SNX29: variants seen among roughly 807,000 people sequenced by gnomAD.
SNX29 encodes sorting nexin-29.
A neutral mutation model predicts 102.1 loss-of-function variants in SNX29; 78 were observed. The ratio of observed to expected loss-of-function variants is 0.76; its 90% CI spans 0.64 to 0.92. The LOEUF is 0.92. Among genes scored for constraint, SNX29 ranks in the 40% least tolerant of loss-of-function variants. SNX29 has a pLI of 0.00. For synonymous variants in SNX29, 580 were observed against 414.5 expected, an observed-to-expected ratio of 1.40 and a Z score of -4.85; for missense variants, 1,280 against 1,061.7, an observed-to-expected ratio of 1.21 and a Z score of -2.86.
intron 20 of SNX29, among the ~76,000 whole-genome samples, chr16:12,544,924 A>G (rs1025560214): frequency 1.3e-5 from 2 of 152,060 alleles, no homozygotes; most frequent in Non-Finnish European, 2.9e-5. Context: ...AGATGTTATC[A>G]TCATCCCTTG....
chr16:12,082,345 T>A (rs1567190163), intron 11 of SNX29, among the ~76,000 whole-genome samples: 1 of 152,176 alleles, frequency 6.6e-6, no homozygotes, highest in South Asian at 2.1e-4. Context: ...CGGCCGGGGC[T>A]GAGGTCCCAG....
chr16:12,350,713 A>T (rs2081969975), intron 15 of SNX29, among the ~76,000 whole-genome samples: 1 of 152,218 alleles, frequency 6.6e-6, no homozygotes, highest in South Asian at 2.1e-4. Flanking sequence ...TTCAAAGCTG[A>T]GTCTGTGAAA....
chr16:12,071,531 T>C lies in SNX29; in HGVS notation c.1319+2399T>C, dbSNP rs376433627. On this transcript the variant is annotated intron_variant, in intron 10 of 20. Transcript: ENST00000566228. ...TCTGTTCTGTTCCATTGATCTATATTTCTGTTTTGGTACCAGTACCATGCT... is the reference window on the plus strand; with the variant it reads ...TCTGTTCTGTTCCATTGATCTATATCTCTGTTTTGGTACCAGTACCATGCT... Among the ~76,000 whole-genome samples the C allele has an allele frequency of 3.2e-4, 48 of 152,240 alleles. No individual in the cohort carries two copies. The East Asian group carries it at 4.2e-3, about 13-fold the overall frequency.
At chr16:12,387,583 T>G (rs1292393543) in intron 16 of SNX29, among the ~76,000 whole-genome samples, 2 of 152,218 alleles carry the variant, frequency 1.3e-5, no homozygotes, top group Non-Finnish European at 2.9e-5. Flanking sequence ...CTTATTATTG[T>G]GCAGCCAGCA....
chr16:12,078,254 C>T (rs1406176799), intron 10 of SNX29, among the ~76,000 whole-genome samples: 1 of 152,012 alleles, frequency 6.6e-6, no homozygotes, highest in African/African-American at 2.4e-5. Flanking sequence ...GCAGGTGGAT[C>T]ACTTGAGGTC....
intron 18 of SNX29, among the ~76,000 whole-genome samples, chr16:12,423,949 G>A (rs888523625): frequency 1.3e-5 from 2 of 152,302 alleles, no homozygotes; most frequent in East Asian, 1.9e-4. Context: ...AAGGGGCCTG[G>A]TGTCGGGGAT....
Position 12,240,730 on chromosome 16 carries a change from G to A in SNX29, c.1679-37203G>A, listed in dbSNP as rs183385326. Among the ~76,000 whole-genome samples the A allele has an allele frequency of 2.0e-5, 3 of 151,200 alleles. No individual in the cohort carries two copies. In the East Asian group the frequency reaches 5.9e-4, roughly 30 times the overall value. ...TCCTCCCTCTTCAGCCTTCCAAGTA[G>A]CTGGGATTACAAGTGTGTGTGTGTG... On this transcript the variant is annotated intron_variant, in intron 14 of 20. Coordinates refer to ENST00000566228, the MANE Select transcript of SNX29 (RefSeq NM_032167.5).
intron 19 of SNX29, among the ~76,000 whole-genome samples, chr16:12,505,046 G>A (rs1336457356): frequency 1.3e-5 from 2 of 152,244 alleles, no homozygotes; most frequent in Middle Eastern, 3.4e-3. Context: ...AAGACGGGAC[G>A]ATCACTTGAG....
chr16:12,088,004 T>TG (rs1567195470), intron 11 of SNX29: 8 of 456,520 alleles, frequency 1.8e-5, no homozygotes, highest in Non-Finnish European at 2.2e-5. Flanking sequence ...CATGGTCCTT[T>TG]GGGGGGTATG....
Position 12,166,341 on chromosome 16 carries a change from C to A in SNX29, c.1596-33260C>A, listed in dbSNP as rs141963105. On this transcript the variant is annotated intron_variant, in intron 13 of 20. Transcript: ENST00000566228. ...CATTCAGAGCAGTGAGCGCTGGAAG[C>A]AAATTAAACAGAGGGTGGTTTGGGA... Among the ~76,000 whole-genome samples, 154 of 152,162 alleles carry A rather than the reference C, an allele frequency of 1.0e-3. 1 individual carries two copies. The Middle Eastern group carries it at 0.014, about 13-fold the overall frequency.
chr16:12,430,863 T>C (rs2085283104), intron 18 of SNX29, among the ~76,000 whole-genome samples: 2 of 151,166 alleles, frequency 1.3e-5, no homozygotes, highest in Non-Finnish European at 2.9e-5. Context: ...TTTTTTTTTT[T>C]TTTTTGAGAT....
At chr16:12,016,140 C>CCTCCCAA (rs2056841849) in intron 3 of SNX29, among the ~76,000 whole-genome samples, 1 of 152,148 alleles carries the variant, frequency 6.6e-6, no homozygotes, top group Non-Finnish European at 1.5e-5. Context: ...GCTGGGATTG[C>CCTCCCAA]AGGTGGGAGC....
chr16:12,540,163 C>T (rs185269239), intron 20 of SNX29, among the ~76,000 whole-genome samples: 47 of 152,208 alleles, frequency 3.1e-4, no homozygotes, highest in Middle Eastern at 3.4e-3. Flanking sequence ...TTTAGATCTG[C>T]GATTCATTTT....
intron 13 of SNX29, among the ~76,000 whole-genome samples, chr16:12,166,040 A>G (rs76073487): frequency 0.038 from 5,824 of 152,320 alleles, 238 homozygotes; most frequent in East Asian, 0.19. Context: ...AATGCATGGA[A>G]GCATTTAATC....
intron 16 of SNX29, chr16:12,372,998 T>G (rs1306323274): frequency 6.6e-6 from 1 of 152,198 alleles, no homozygotes; most frequent in East Asian, 1.9e-4. Flanking sequence ...TGTCTCCATT[T>G]TAGAGATGAC....
chr16:12,252,558 A>G (rs1359954404), intron 14 of SNX29, among the ~76,000 whole-genome samples: 1 of 152,202 alleles, frequency 6.6e-6, no homozygotes, highest in Non-Finnish European at 1.5e-5. Flanking sequence ...TCACCCAATA[A>G]TAATCACATT....
chr16:12,184,505 T>C (rs2076465964), intron 13 of SNX29, among the ~76,000 whole-genome samples: 1 of 152,206 alleles, frequency 6.6e-6, no homozygotes, highest in African/African-American at 2.4e-5. Flanking sequence ...GTAGCCTTAT[T>C]TCCAAGAGTT....
In SNX29 at chr16:12,013,499, AAATATATATATATATATATAT is replaced by A. The variant is rs1218895677; in HGVS notation, c.122+10458_122+10478del. Among the ~76,000 whole-genome samples, 2 of 69,028 alleles carry A rather than the reference AAATATATATATATATATATAT, an allele frequency of 2.9e-5. 1 individual carries two copies. The highest frequency in any genetic ancestry group is 1.3e-4 in the African/African-American group (2 of 15,274). 45.3% of individuals were successfully genotyped at this position (69,028 alleles called of 152,430 possible). A position where few individuals can be genotyped will look rare whatever the true frequency, so the allele number is the denominator to read the frequency against. On this transcript the variant is annotated intron_variant, in intron 3 of 20. Coordinates refer to ENST00000566228, the MANE Select transcript of SNX29 (RefSeq NM_032167.5). ...TGTCTCTACTGGGGGAAAAAAAAAA[AAATATATATATATATATATAT>A]ATATATATATATATATATATATCGA...
At chr16:12,387,327 CCCA>C (rs780228024) in intron 16 of SNX29, among the ~76,000 whole-genome samples, 73 of 152,192 alleles carry the variant, frequency 4.8e-4, no homozygotes, top group Non-Finnish European at 9.3e-4. Flanking sequence ...GCTCCGGTGC[CCCA>C]TTCTTCCCAG....
Sources: gnomAD v4.1 joint callset for allele counts (sites outside exome capture counted in the v4.1 genomes callset) on GRCh38, gnomAD v4.1.1 for gene constraint, MANE v1.5 for transcripts, NCBI Gene and HGNC (gene_info 2026-07-23, HGNC 2026-07-21) for gene names.